The following ANK3 variants were observed in gnomAD, a reference collection of about 807,000 sequenced individuals.
ANK3 encodes the protein ankyrin-3.
In ANK3, 57 loss-of-function variants were observed where a neutral mutation model predicts 370.9. The observed-to-expected ratio is 0.15, with a 90% CI of 0.12 to 0.19. The LOEUF is 0.19. Among genes scored for constraint, ANK3 ranks in the 10% least tolerant of loss-of-function variants. The pLI, the probability that ANK3 is intolerant of heterozygous loss-of-function variation, is 1.00. For synonymous variants in ANK3, 1,929 were observed against 1,946.3 expected (o/e 0.99, Z 0.23); for missense variants, 4,439 against 5,302.1 (o/e 0.84, Z 5.06).
chr10:60,374,221 G>A (rs532152961), intron 1 of ANK3, among the ~76,000 whole-genome samples: 4 of 152,106 alleles, frequency 2.6e-5, no homozygotes, highest in East Asian at 1.9e-4. Flanking sequence ...AAGGGGATCC[G>A]GCGGGCAACC....
intron 35 of ANK3, 135 bp downstream of exon 35, chr10:60,082,015 T>C: frequency 1.7e-6 from 1 of 575,334 alleles, no homozygotes; most frequent in East Asian, 2.9e-5. Flanking sequence ...GAAAAATATA[T>C]ACCCTTTTAC....
chr10:60,104,932 T>A (rs1283182641), intron 28 of ANK3, among the ~76,000 whole-genome samples: 3 of 151,972 alleles, frequency 2.0e-5, no homozygotes, highest in African/African-American at 7.3e-5. Context: ...GCTCACAGAG[T>A]TCAATAAATT....
chr10:60,592,169 C>G (rs2133293928), intron 2 of ANK3, among the ~76,000 whole-genome samples: 1 of 152,108 alleles, frequency 6.6e-6, no homozygotes, highest in South Asian at 2.1e-4. Flanking sequence ...ATGCCTGTAT[C>G]AAAACATCTC....
Position 60,134,348 on chromosome 10 carries a change from A to T in ANK3, c.2764T>A (p.Ser922Thr). 1 of 1,613,720 alleles carries T rather than the reference A, an allele frequency of 6.2e-7. No individual in the cohort carries two copies. Among genetic ancestry groups the T allele is most frequent in the Non-Finnish European group, 8.5e-7 (1 of 1,179,848 alleles). The change falls in exon 25 of 44, where the codon TCT becomes ACT. Residue 922 changes from serine (S) to threonine (T), a missense_variant. Physicochemically the swap from Ser to Thr is moderately conservative, Grantham distance 58 (BLOSUM62 1). This residue lies in a region of ANK3 where 702 missense variants were observed against 941.5 expected (regional missense o/e 0.75). Transcript: ENST00000280772. The part of the protein sequence containing the change: ...ASLRSFSSDR[S>T]YTLNRSSYAR... Reference sequence around the variant, plus strand: ...TAGGAGCTTCTGTTCAAGGTGTAAGACCTATCCGAACTGAAGGAGCGGAGG... The same window carrying T: ...TAGGAGCTTCTGTTCAAGGTGTAAGTCCTATCCGAACTGAAGGAGCGGAGG...
intron 28 of ANK3, among the ~76,000 whole-genome samples, chr10:60,101,604 T>C (rs1248870015): frequency 6.6e-6 from 1 of 152,228 alleles, no homozygotes; most frequent in Admixed American, 6.5e-5. Flanking sequence ...AAAGTTGTTC[T>C]TGTTGCATGA....
At chr10:60,405,684 C>G (rs2063440637) in intron 2 of ANK3, among the ~76,000 whole-genome samples, 1 of 152,050 alleles carries the variant, frequency 6.6e-6, no homozygotes. Context: ...CAATTAATGA[C>G]AACATATAAG....
intron 24 of ANK3, among the ~76,000 whole-genome samples, chr10:60,136,306 C>T (rs1272433487): frequency 6.6e-6 from 1 of 152,120 alleles, no homozygotes; most frequent in Non-Finnish European, 1.5e-5. Flanking sequence ...TGTGAACGAA[C>T]AAATGAATTT....
chr10:60,428,051 T>C (rs976129223), intron 2 of ANK3, among the ~76,000 whole-genome samples: 1 of 152,180 alleles, frequency 6.6e-6, no homozygotes, highest in African/African-American at 2.4e-5. Context: ...AGCAGTATCC[T>C]GCACTTATCT....
At chr10:60,152,519 G>A (rs2095176456) in intron 23 of ANK3, among the ~76,000 whole-genome samples, 1 of 152,038 alleles carries the variant, frequency 6.6e-6, no homozygotes, top group African/African-American at 2.4e-5. Context: ...GAATGGAAAG[G>A]GGTTAGCCAG....
At chr10:60,548,900 G>T (rs2077030793) in intron 2 of ANK3, among the ~76,000 whole-genome samples, 1 of 152,004 alleles carries the variant, frequency 6.6e-6, no homozygotes, top group Non-Finnish European at 1.5e-5. Context: ...TCTATAATAA[G>T]AATTTACAGC....
chr10:60,710,822 C>T (rs1450433944), intron 1 of ANK3, among the ~76,000 whole-genome samples: 1 of 152,166 alleles, frequency 6.6e-6, no homozygotes, highest in Non-Finnish European at 1.5e-5. Context: ...AGATTCCAGT[C>T]CAAGTTTAAG....
At chr10:60,043,570 C>A in intron 42 of ANK3, 1 of 985,404 alleles carries the variant, frequency 1.0e-6, no homozygotes, top group Non-Finnish European at 1.2e-6. Context: ...GGAACCCCCT[C>A]CTCAGACGAA....
rs142175136 is a variant in ANK3 at position 60,341,842 on chromosome 10, T to C, written c.114+47583A>G. Among the ~76,000 whole-genome samples, 156 of 152,288 alleles carry C rather than the reference T, an allele frequency of 1.0e-3. 1 individual carries two copies. The highest frequency in any genetic ancestry group is 3.6e-3 in the African/African-American group (149 of 41,564). On this transcript the variant is annotated intron_variant, in intron 1 of 43. Transcript: ENST00000280772. ...TTTAAGTAGACCACGATAGGGTTAA[T>C]TCACAAGAGGCATAGGTTTTTTGTT...
At chr10:60,558,147 A>G (rs1567144372) in intron 2 of ANK3, among the ~76,000 whole-genome samples, 2 of 152,154 alleles carry the variant, frequency 1.3e-5, no homozygotes, top group African/African-American at 4.8e-5. Flanking sequence ...GATGAATTCA[A>G]TACCTTTTAT....
chr10:60,661,238 T>C (rs1210209105), intron 1 of ANK3, among the ~76,000 whole-genome samples: 1 of 151,314 alleles, frequency 6.6e-6, no homozygotes, highest in African/African-American at 2.4e-5. Context: ...CTTGCCAAAA[T>C]TACATATAAA....
At chr10:60,337,208 C>A (rs533342265) in intron 1 of ANK3, among the ~76,000 whole-genome samples, 4 of 152,004 alleles carry the variant, frequency 2.6e-5, no homozygotes, top group Non-Finnish European at 4.4e-5. Context: ...GTCCTTAAGT[C>A]CAGATGATCA....
intron 1 of ANK3, among the ~76,000 whole-genome samples, chr10:60,669,584 C>T (rs898653478): frequency 7.9e-5 from 12 of 152,118 alleles, no homozygotes; most frequent in African/African-American, 2.7e-4. Context: ...TGATGGATGC[C>T]TTTCTGACCA....
chr10:60,032,193 T>G (rs12415886), intron 43 of ANK3, among the ~76,000 whole-genome samples: 3 of 122,712 alleles, frequency 2.4e-5, no homozygotes, highest in African/African-American at 6.2e-5. Context: ...ATACACAGCT[T>G]CTTTTTTTTT....
intron 9 of ANK3, 53 bp from the exon 10 acceptor site, chr10:60,208,286 G>T: frequency 6.6e-7 from 1 of 1,516,916 alleles, no homozygotes; most frequent in Non-Finnish European, 9.1e-7. Flanking sequence ...AAACACAAAT[G>T]TGCAGAACAC....
Sources: gnomAD v4.1 joint callset for allele counts (sites outside exome capture counted in the v4.1 genomes callset) on GRCh38, gnomAD v4.1.1 for gene constraint, gnomAD v4.1.1 regional missense constraint, MANE v1.5 for transcripts, NCBI Gene and HGNC (gene_info 2026-07-23, HGNC 2026-07-21) for gene names.